Variants in SPRY3 observed in about 807,000 individuals in gnomAD.
SPRY3 encodes the protein sprouty RTK signaling antagonist 3.
Under a neutral mutation model 20.2 loss-of-function variants are expected in SPRY3, and 15 were observed. The ratio of observed to expected loss-of-function variants is 0.74; its 90% CI spans 0.50 to 1.14. The LOEUF (loss-of-function observed/expected upper bound fraction) is 1.14. SPRY3 is among the 50% of genes most tolerant of loss of function. The pLI, the probability that SPRY3 is intolerant of heterozygous loss-of-function variation, is 0.00. For synonymous variants in SPRY3, 143 were observed against 136.5 expected (o/e 1.05, Z -0.33); for missense variants, 364 against 363.9 (o/e 1.00, Z 0.00).
chrX:155,782,295 C>T (rs943261262), exon 2 of SPRY3: 4 of 166,938 alleles, frequency 2.4e-5, no homozygotes, highest in African/African-American at 9.7e-5. Flanking sequence ...CCACAAGAAA[C>T]ACATTTCTTG....
intron 2 of SPRY3, among the ~76,000 whole-genome samples, chrX:155,660,866 T>C (rs1257725368): frequency 9.0e-6 from 1 of 110,865 alleles, no homozygotes; most frequent in Admixed American, 9.6e-5. Flanking sequence ...TTTGGTCCTG[T>C]TTGCATGGAG....
chrX:155,774,403 G>A, exon 4 of SPRY3: 4 of 1,614,034 alleles, frequency 2.5e-6, no homozygotes, highest in Non-Finnish European at 3.4e-6. Context: ...CCTTTGCTCT[G>A]CTGAGAGCCT....
At chrX:155,629,654 C>T (rs1394253681) in intron 1 of SPRY3, among the ~76,000 whole-genome samples, 3 of 111,780 alleles carry the variant, frequency 2.7e-5, no homozygotes, top group Non-Finnish European at 5.6e-5. Context: ...TTCTCCACAT[C>T]CTCTCCAGCA....
intron 2 of SPRY3, among the ~76,000 whole-genome samples, chrX:155,721,936 T>C (rs2091061654): frequency 6.6e-6 from 1 of 152,066 alleles, no homozygotes; most frequent in Admixed American, 6.6e-5. Context: ...AACTGTGGTG[T>C]GTAAACTACC....
intron 1 of SPRY3, among the ~76,000 whole-genome samples, chrX:155,623,883 C>G (rs1197084203): frequency 1.8e-5 from 2 of 112,001 alleles, no homozygotes; most frequent in Non-Finnish European, 3.8e-5. Flanking sequence ...GCTGTGTAAG[C>G]TTAGGCAAGT....
At chrX:155,731,076 C>T (rs751093530) in intron 2 of SPRY3, among the ~76,000 whole-genome samples, 1 of 152,052 alleles carries the variant, frequency 6.6e-6, no homozygotes, top group African/African-American at 2.4e-5. Flanking sequence ...GTAAAAATGT[C>T]CATACTACCC....
chrX:155,751,929 A>AAAATAAAAT (rs1491221210), intron 2 of SPRY3, among the ~76,000 whole-genome samples: 3 of 25,698 alleles, frequency 1.2e-4, no homozygotes, highest in South Asian at 1.9e-3. Flanking sequence ...GAAGGGAAAT[A>AAAATAAAAT]AAATAAAATA....
chrX:155,627,036 C>G (rs1398364416), intron 1 of SPRY3, among the ~76,000 whole-genome samples: 2 of 111,363 alleles, frequency 1.8e-5, no homozygotes, highest in Non-Finnish European at 3.8e-5. Context: ...ATGGTAAAAT[C>G]TACATAATTA....
chrX:155,636,388 T>C (rs1316222735), intron 1 of SPRY3, among the ~76,000 whole-genome samples: 1 of 111,927 alleles, frequency 8.9e-6, no homozygotes, highest in Non-Finnish European at 1.9e-5. Context: ...GGCAAGATTT[T>C]TAAGGATTCA....
intron 2 of SPRY3, among the ~76,000 whole-genome samples, chrX:155,707,785 A>C (rs1346727081): frequency 1.3e-5 from 2 of 151,080 alleles, no homozygotes; most frequent in Non-Finnish European, 3.0e-5. Flanking sequence ...CCATCCTTTT[A>C]CTTTCAAACT....
chrX:155,763,115 CA>C (rs61499113), intron 2 of SPRY3, among the ~76,000 whole-genome samples: 34,257 of 150,772 alleles, frequency 0.23, 5,166 homozygotes, highest in African/African-American at 0.44. Context: ...ACAGGAACAA[CA>C]AAAAAAAACC....
chrX:155,765,914 G>A lies in SPRY3; in HGVS notation c.-281-2048G>A, dbSNP rs1379831875. Among the ~76,000 whole-genome samples, 5 of 152,326 alleles carry A rather than the reference G, an allele frequency of 3.3e-5. No individual in the cohort carries two copies. In the East Asian group the frequency reaches 7.7e-4, roughly 24 times the overall value. ...TAATTGAATTGCCTCAAGGGAGGTAGCTCCCAGGTTGAGGAGCAAAAATTT... is the reference window on the plus strand; with the variant it reads ...TAATTGAATTGCCTCAAGGGAGGTAACTCCCAGGTTGAGGAGCAAAAATTT... On this transcript the variant is annotated intron_variant, in intron 2 of 3. Coordinates refer to ENST00000675360, the Ensembl canonical transcript of SPRY3.
intron 2 of SPRY3, among the ~76,000 whole-genome samples, chrX:155,710,417 G>C (rs2090978489): frequency 1.3e-5 from 2 of 151,082 alleles, no homozygotes; most frequent in Non-Finnish European, 1.5e-5. Flanking sequence ...TTAAATTTTT[G>C]TGTGGCTATT....
At chrX:155,754,109 T>G (rs1222874880) in intron 2 of SPRY3, among the ~76,000 whole-genome samples, 1 of 152,028 alleles carries the variant, frequency 6.6e-6, no homozygotes, top group Non-Finnish European at 1.5e-5. Context: ...GTAATTTATC[T>G]ATTTCTTCTT....
At chrX:155,616,132 T>TCTCTCTCTCTCTCTCTC (rs1569562348) in intron 1 of SPRY3, among the ~76,000 whole-genome samples, 538 of 29,498 alleles carry the variant, frequency 0.018, 10 homozygotes, top group African/African-American at 0.031. Flanking sequence ...CTCTCTCTCC[T>TCTCTCTCTCTCTCTCTC]CTCTCTCTCT....
intron 2 of SPRY3, among the ~76,000 whole-genome samples, chrX:155,756,893 C>G (rs978129277): frequency 2.6e-5 from 4 of 152,040 alleles, no homozygotes; most frequent in African/African-American, 7.2e-5. Context: ...TTTGATGGAA[C>G]AAAATATAAC....
chrX:155,746,708 T>G (rs372073254), intron 2 of SPRY3, among the ~76,000 whole-genome samples: 2 of 152,086 alleles, frequency 1.3e-5, no homozygotes, highest in African/African-American at 4.8e-5. Context: ...GTACTCAAAT[T>G]CTGGAAGGAC....
At chrX:155,747,867 G>A (rs1348310937) in intron 2 of SPRY3, among the ~76,000 whole-genome samples, 1 of 151,840 alleles carries the variant, frequency 6.6e-6, no homozygotes, top group Non-Finnish European at 1.5e-5. Context: ...ATCGGCCATG[G>A]ACTTTTGTAA....
At chrX:155,625,559 G>T (rs782163906) in intron 1 of SPRY3, among the ~76,000 whole-genome samples, 1 of 110,373 alleles carries the variant, frequency 9.1e-6, no homozygotes, top group Non-Finnish European at 1.9e-5. Flanking sequence ...TTGTTGAAGG[G>T]TTTTTTTGTT....
Sources: allele counts gnomAD v4.1 joint callset (sites outside exome capture counted in the v4.1 genomes callset), GRCh38; gene constraint gnomAD v4.1.1; transcripts MANE v1.5; gene names NCBI Gene and HGNC (gene_info 2026-07-23, HGNC 2026-07-21).